The following IPO11 variants were observed in gnomAD, a reference collection of about 807,000 sequenced individuals.
IPO11 encodes the protein importin 11, also known as importin-11.
Under a neutral mutation model 143.2 loss-of-function variants are expected in IPO11, and 66 were observed. The observed-to-expected ratio is 0.46, with a 90% CI of 0.38 to 0.57. The LOEUF is 0.57. Among genes scored for constraint, IPO11 ranks in the 20% least tolerant of loss-of-function variants. IPO11 has a pLI of 0.00. For synonymous variants in IPO11, 385 were observed against 377.8 expected (o/e 1.02, Z -0.22); for missense variants, 1,026 against 1,141.0 (o/e 0.90, Z 1.45).
chr5:62,453,458 G>C (rs888310519), intron 5 of IPO11, among the ~76,000 whole-genome samples: 1 of 145,648 alleles, frequency 6.9e-6, no homozygotes, highest in Admixed American at 6.6e-5. Context: ...GCCAAGTGAA[G>C]AGAGAGTTCT....
intron 1 of IPO11, chr5:62,418,889 A>C: frequency 8.9e-7 from 1 of 1,124,540 alleles, no homozygotes; most frequent in Non-Finnish European, 1.2e-6. Flanking sequence ...TGATTATAGC[A>C]CCAGGTGTGA....
At chr5:62,451,252 T>C (rs1033969503) in intron 4 of IPO11, among the ~76,000 whole-genome samples, 2 of 152,218 alleles carry the variant, frequency 1.3e-5, no homozygotes, top group African/African-American at 2.4e-5. Context: ...TCTGTTGATA[T>C]TTACTGTATT....
chr5:62,490,088 A>AT (rs756695610), intron 14 of IPO11, 27 bp from the exon 15 acceptor site: 32 of 1,429,744 alleles, frequency 2.2e-5, no homozygotes, highest in Admixed American at 6.8e-5. Flanking sequence ...GAAACCTTTA[A>AT]TTTTTTTTCT....
intron 3 of IPO11, 73 bp downstream of exon 3, chr5:62,443,156 T>C (rs1744559671): frequency 1.0e-6 from 1 of 961,768 alleles, no homozygotes; most frequent in South Asian, 1.6e-5. Context: ...GAATACTTGT[T>C]TATGTAAAAG....
chr5:62,565,410 C>T (rs1260334609), intron 27 of IPO11, among the ~76,000 whole-genome samples: 2 of 152,026 alleles, frequency 1.3e-5, no homozygotes, highest in South Asian at 4.2e-4. Flanking sequence ...TGCTTGAACC[C>T]GGGAGGCAGA....
intron 8 of IPO11, 134 bp downstream of exon 8, chr5:62,474,598 A>G: frequency 1.5e-6 from 1 of 660,080 alleles, no homozygotes; most frequent in Non-Finnish European, 2.6e-6. Context: ...CACACTTATA[A>G]ATCTAGAGAA....
chr5:62,522,288 GT>G (rs111301961), intron 20 of IPO11, among the ~76,000 whole-genome samples: 115 of 140,104 alleles, frequency 8.2e-4, no homozygotes, highest in Admixed American at 9.2e-4. Flanking sequence ...ATTGTGGTGG[GT>G]TTTTTTTTTT....
intron 19 of IPO11, among the ~76,000 whole-genome samples, chr5:62,510,591 T>C (rs1245417199): frequency 2.0e-5 from 3 of 152,178 alleles, no homozygotes; most frequent in African/African-American, 4.8e-5. Flanking sequence ...ATCAAGTCAG[T>C]ATTCAGATTT....
At chr5:62,585,604 G>T (rs1227874395) in intron 27 of IPO11, among the ~76,000 whole-genome samples, 1 of 152,118 alleles carries the variant, frequency 6.6e-6, no homozygotes, top group East Asian at 1.9e-4. Context: ...GTAATGGAAA[G>T]TTACTGAAAG....
At chr5:62,466,020 T>C (rs1313989508) in intron 5 of IPO11, among the ~76,000 whole-genome samples, 5 of 152,206 alleles carry the variant, frequency 3.3e-5, no homozygotes, top group Non-Finnish European at 5.9e-5. Context: ...GAAAACCTTA[T>C]ACCTCTTCAG....
In IPO11 at chr5:62,424,584, GT is replaced by G. The variant is rs776732789; in HGVS notation, c.-7+11671del. On this transcript the variant is annotated intron_variant, in intron 1 of 29. Transcript: ENST00000325324. ...GTGCATGCCACCACACCTGGCTAAG[GT>G]TTTTTTTTTTTTTTTAATTTTTATT... Among the ~76,000 whole-genome samples, 929 of 139,002 alleles carry G rather than the reference GT, an allele frequency of 6.7e-3. 7 individuals are homozygous for G. The highest frequency in any genetic ancestry group is 0.019 in the African/African-American group (719 of 38,036). 91.2% of individuals were successfully genotyped at this position (139,002 alleles called of 152,430 possible).
Position 62,443,071 on chromosome 5 carries a change from G to A in IPO11, c.227G>A (p.Arg76His), listed in dbSNP as rs779998835. Residue 76 changes from arginine (R) to histidine (H), a missense_variant, in exon 3 of 30, where the codon CGT (arginine) becomes CAT (histidine). This residue lies in a region of IPO11 where 429 missense variants were observed against 456.3 expected (regional missense o/e 0.94). Transcript: ENST00000325324. ...CATGGAATTGATCGCTACTGGAGAC[G>A]TGTAGCACCTCAGTAAGTTCCATCA... ...FKHGIDRYWR[R>H]VAPHALSEEE... 21 of 1,600,982 alleles carry A rather than the reference G, an allele frequency of 1.3e-5. No homozygotes were observed. Among genetic ancestry groups the A allele is most frequent in the African/African-American group, 2.7e-5 (2 of 74,432 alleles).
chr5:62,515,530 AG>A (rs1561344492), intron 20 of IPO11, 29 bp downstream of exon 20: 3 of 1,432,268 alleles, frequency 2.1e-6, no homozygotes. Flanking sequence ...GAGTTTTTTT[AG>A]TTTAGTGGTT....
chr5:62,430,933 C>T (rs548876023), intron 1 of IPO11, among the ~76,000 whole-genome samples: 3 of 152,050 alleles, frequency 2.0e-5, no homozygotes, highest in African/African-American at 2.4e-5. Flanking sequence ...CCGCCTCAGC[C>T]TCCAAAAATG....
At chr5:62,570,088 G>GT (rs1184824022) in intron 27 of IPO11, among the ~76,000 whole-genome samples, 12 of 152,124 alleles carry the variant, frequency 7.9e-5, no homozygotes, top group African/African-American at 2.9e-4. Context: ...GCTGAATTTT[G>GT]TTAGCTTTAA....
At chr5:62,469,985 T>C (rs1745711862) in intron 6 of IPO11, among the ~76,000 whole-genome samples, 2 of 152,230 alleles carry the variant, frequency 1.3e-5, no homozygotes. Flanking sequence ...CTAACAATTA[T>C]ATAAATTACA....
intron 22 of IPO11, among the ~76,000 whole-genome samples, chr5:62,531,756 A>C (rs1742553291): frequency 6.6e-6 from 1 of 152,224 alleles, no homozygotes; most frequent in Non-Finnish European, 1.5e-5. Context: ...CATGGTGGTT[A>C]GATAATGTGA....
At chr5:62,506,074 C>T (rs185904548) in intron 18 of IPO11, among the ~76,000 whole-genome samples, 167 bp from the exon 19 acceptor site, 102 of 152,144 alleles carry the variant, frequency 6.7e-4, no homozygotes, top group Admixed American at 2.6e-3. Flanking sequence ...CAATATGTAC[C>T]GGCAGCTTGA....
At chr5:62,459,750 C>T (rs1561319813) in intron 5 of IPO11, among the ~76,000 whole-genome samples, 1 of 152,062 alleles carries the variant, frequency 6.6e-6, no homozygotes, top group Non-Finnish European at 1.5e-5. Context: ...GGGGTTTCAC[C>T]ATATTGGCCA....
Sources: gnomAD v4.1 joint callset for allele counts (sites outside exome capture counted in the v4.1 genomes callset) on GRCh38, gnomAD v4.1.1 for gene constraint, gnomAD v4.1.1 regional missense constraint, MANE v1.5 for transcripts, NCBI Gene and HGNC (gene_info 2026-07-23, HGNC 2026-07-21) for gene names.